The following DNAH12 variants were observed in gnomAD, a reference collection of about 807,000 sequenced individuals.
DNAH12 encodes the protein dynein axonemal heavy chain 12.
Under a neutral mutation model 371.5 loss-of-function variants are expected in DNAH12, and 285 were observed. The observed-to-expected ratio is 0.77, with a 90% CI of 0.70 to 0.85. The LOEUF (loss-of-function observed/expected upper bound fraction) is 0.85. Among genes scored for constraint, DNAH12 ranks in the 40% least tolerant of loss-of-function variants. The pLI is 0.00. For missense variants in DNAH12, 3,611 were observed against 3,689.4 expected, an observed-to-expected ratio of 0.98 and a Z score of 0.55; for synonymous variants, 1,200 against 1,213.0, an observed-to-expected ratio of 0.99 and a Z score of 0.22.
intron 29 of DNAH12, among the ~76,000 whole-genome samples, chr3:57,438,681 G>A (rs932558129): frequency 1.1e-4 from 17 of 151,968 alleles, no homozygotes; most frequent in African/African-American, 3.6e-4. Flanking sequence ...GGCCGGGCGC[G>A]GTGGCCCACG....
chr3:57,358,871 A>AC (rs2062857396), intron 58 of DNAH12, among the ~76,000 whole-genome samples: 1 of 151,918 alleles, frequency 6.6e-6, no homozygotes, highest in Non-Finnish European at 1.5e-5. Flanking sequence ...TACAACCTCC[A>AC]CCTCCTGGGT....
At chr3:57,472,876 T>C (rs1227969681) in intron 13 of DNAH12, among the ~76,000 whole-genome samples, 1 of 152,216 alleles carries the variant, frequency 6.6e-6, no homozygotes, top group Non-Finnish European at 1.5e-5. Context: ...CATAATTGTA[T>C]ACTTTTATGC....
At chr3:57,322,311 A>T (rs1324416795) in intron 65 of DNAH12, 32 bp downstream of exon 65, 1 of 1,530,596 alleles carries the variant, frequency 6.5e-7, no homozygotes, top group East Asian at 2.5e-5. Flanking sequence ...ACTATAAAAC[A>T]CATTTTAAAA....
intron 13 of DNAH12, among the ~76,000 whole-genome samples, chr3:57,475,685 A>G (rs1229257597): frequency 6.6e-6 from 1 of 152,248 alleles, no homozygotes; most frequent in Non-Finnish European, 1.5e-5. Flanking sequence ...GCCAATAAGC[A>G]TATGAAAAGT....
chr3:57,358,065 T>C (rs2062841511), intron 58 of DNAH12, among the ~76,000 whole-genome samples: 1 of 152,202 alleles, frequency 6.6e-6, no homozygotes, highest in South Asian at 2.1e-4. Flanking sequence ...TCTTCTTTCT[T>C]TGGTAATGCT....
chr3:57,323,806 C>A (rs556142665), intron 62 of DNAH12, among the ~76,000 whole-genome samples, 187 bp from the exon 63 acceptor site: 1 of 152,168 alleles, frequency 6.6e-6, no homozygotes, highest in South Asian at 2.1e-4. Flanking sequence ...GAAGACTATC[C>A]AAAAGATAAA....
At chr3:57,359,177 G>GA (rs1474963808) in intron 58 of DNAH12, among the ~76,000 whole-genome samples, 1 of 152,216 alleles carries the variant, frequency 6.6e-6, no homozygotes, top group Non-Finnish European at 1.5e-5. Context: ...TCCTTAGCAT[G>GA]AAATGCTAGG....
At chr3:57,508,664 G>T in intron 6 of DNAH12, 124 bp from the exon 7 acceptor site, 2 of 1,108,280 alleles carry the variant, frequency 1.8e-6, no homozygotes, top group Non-Finnish European at 2.5e-6. Flanking sequence ...AGAGGGAGCT[G>T]TGGTCAGCAA....
intron 49 of DNAH12, among the ~76,000 whole-genome samples, chr3:57,383,752 CCT>C (rs1199840093): frequency 7.3e-6 from 1 of 136,464 alleles, no homozygotes; most frequent in Non-Finnish European, 1.5e-5. Flanking sequence ...AGAGTGAGAC[CCT>C]GTCTTAAAAA....
intron 4 of DNAH12, among the ~76,000 whole-genome samples, chr3:57,517,128 C>G (rs1263872253): frequency 1.3e-5 from 2 of 152,186 alleles, no homozygotes; most frequent in Non-Finnish European, 2.9e-5. Flanking sequence ...ATAAATGTCA[C>G]CACCTCAGGG....
At chr3:57,323,354 T>C (rs1293141102) in intron 63 of DNAH12, 94 bp from the exon 64 acceptor site, 1 of 1,474,760 alleles carries the variant, frequency 6.8e-7, no homozygotes, top group African/African-American at 1.4e-5. Context: ...AAATTCTAGT[T>C]ACGTTTCTCT....
At chr3:57,445,104 C>T (rs2065441222) in intron 28 of DNAH12, 70 bp downstream of exon 28, 1 of 1,438,208 alleles carries the variant, frequency 7.0e-7, no homozygotes, top group South Asian at 1.5e-5. Flanking sequence ...ATTTGTAGTT[C>T]CTGATTAACC....
chr3:57,461,423 A>G, intron 19 of DNAH12, 66 bp downstream of exon 19: 3 of 1,439,762 alleles, frequency 2.1e-6, no homozygotes, highest in Non-Finnish European at 9.5e-7. Flanking sequence ...TTACCATGAG[A>G]GCGTATATGT....
Position 57,314,614 on chromosome 3 carries a change from C to A in DNAH12, c.10542G>T (p.Leu3514=). ...RGKELAWEKL[L]FGVCFFHALV... The stretch of plus-strand genomic sequence containing the variant: ...GGGCATGAAAAAAACAAACTCCAAA[C>A]AGTAACTTCTCCCAGGCCTTTAATA... Residue 3514 remains leucine, a synonymous_variant, in exon 66 of 74, where the codon CTG becomes CTT. Coordinates refer to ENST00000495027, the MANE Select transcript of DNAH12 (RefSeq NM_001366028.2). 3 of 1,546,998 alleles carry A rather than the reference C, an allele frequency of 1.9e-6. No individual in the cohort carries two copies. Among genetic ancestry groups the A allele is most frequent in the Non-Finnish European group, 2.6e-6 (3 of 1,146,046 alleles).
intron 39 of DNAH12, 59 bp from the exon 40 acceptor site, chr3:57,408,594 G>A: frequency 7.1e-7 from 1 of 1,400,310 alleles, no homozygotes; most frequent in Non-Finnish European, 9.3e-7. Flanking sequence ...AAGATGGGAT[G>A]AAATATAGAT....
At chr3:57,517,733 T>A (rs999372623) in intron 4 of DNAH12, among the ~76,000 whole-genome samples, 5 of 152,210 alleles carry the variant, frequency 3.3e-5, no homozygotes, top group African/African-American at 1.2e-4. Flanking sequence ...AGTCAAGTGA[T>A]GTACTTTCAA....
At chr3:57,428,270 C>T in intron 34 of DNAH12, 1 of 848,426 alleles carries the variant, frequency 1.2e-6, no homozygotes, top group Non-Finnish European at 1.6e-6. Context: ...TATGACAGCC[C>T]TGGGAAGCTA....
At chr3:57,387,015 A>G (rs1003900684) in intron 46 of DNAH12, 71 bp downstream of exon 46, 2 of 152,244 alleles carry the variant, frequency 1.3e-5, no homozygotes, top group Non-Finnish European at 2.9e-5. Context: ...GATAGCAAAT[A>G]CATGTGAATT....
chr3:57,338,784 C>T (rs550372424), intron 60 of DNAH12, among the ~76,000 whole-genome samples: 21 of 151,646 alleles, frequency 1.4e-4, no homozygotes, highest in East Asian at 1.4e-3. Context: ...CCAGCCACCC[C>T]GTCTGGGAAG....
Sources: allele counts gnomAD v4.1 joint callset (sites outside exome capture counted in the v4.1 genomes callset), GRCh38; gene constraint gnomAD v4.1.1; transcripts MANE v1.5; gene names NCBI Gene and HGNC (gene_info 2026-07-23, HGNC 2026-07-21).